Variants in MAN1C1 observed in about 807,000 individuals in gnomAD.
The protein encoded by MAN1C1 is mannosidase alpha class 1C member 1, also known as mannosyl-oligosaccharide 1,2-alpha-mannosidase IC.
In MAN1C1, 49 loss-of-function variants were observed where a neutral mutation model predicts 71.5. The ratio of observed to expected loss-of-function variants is 0.69; its 90% confidence interval spans 0.54 to 0.87. The LOEUF is 0.87. Ranked by LOEUF, MAN1C1 falls within the 40% of genes least tolerant of loss-of-function variation. The pLI, the probability that MAN1C1 is intolerant of heterozygous loss-of-function variation, is 0.00. For missense variants in MAN1C1, 743 were observed against 835.0 expected (o/e 0.89, Z 1.36); for synonymous variants, 352 against 343.7 (o/e 1.02, Z -0.27).
chr1:25,762,671 A>C (rs1416578049), intron 6 of MAN1C1, among the ~76,000 whole-genome samples: 2 of 142,602 alleles, frequency 1.4e-5, no homozygotes, highest in African/African-American at 5.3e-5. Context: ...CAAGTGATCC[A>C]CCTCCCTTGG....
Position 25,730,057 on chromosome 1 carries a change from G to C in MAN1C1, c.638-16611G>C, listed in dbSNP as rs2046888742. Among the ~76,000 whole-genome samples the C allele has an allele frequency of 6.6e-6, 1 of 152,130 alleles. No individual in the cohort carries two copies. Among genetic ancestry groups the C allele is most frequent in the Non-Finnish European group, 1.5e-5 (1 of 68,026 alleles). On this transcript the variant is annotated intron_variant, in intron 2 of 11. Transcript: ENST00000374332. The surrounding 1 kb of genome is among the most constrained non-coding windows in gnomAD (Gnocchi z 4.3). ...GAGAAAGCAGCTGCAGCCTCCGTAA[G>C]GACAGAGGTCAGGCCTGATGCATCC...
intron 6 of MAN1C1, chr1:25,759,428 T>C (rs2047332404): frequency 6.6e-6 from 1 of 152,372 alleles, no homozygotes; most frequent in African/African-American, 2.4e-5. Flanking sequence ...ATGGAAGCCC[T>C]GCCCATCCTC....
At position 25,769,924 on chromosome 1, in the gene MAN1C1, A is replaced by T. The variant is rs1190781570; in HGVS notation, c.1142-1733A>T. The stretch of plus-strand genomic sequence containing the variant: ...CCCCGTGGCCACCCTATGGGGAGGG[A>T]CCGGGAGCAGGCTTGTGAGAATGCC... On this transcript the variant is annotated intron_variant, in intron 7 of 11. Transcript: ENST00000374332. This position sits in a 1 kb window ranked among gnomAD's most constrained non-coding sequence, Gnocchi z 4.8. 6.6e-6 allele frequency among the ~76,000 whole-genome samples: 1 copy of T among 151,804 alleles called. No individual in the cohort carries two copies. The highest frequency in any genetic ancestry group is 1.5e-5 in the Non-Finnish European group (1 of 67,928).
At chr1:25,733,298 C>A (rs970514437) in intron 2 of MAN1C1, among the ~76,000 whole-genome samples, 1 of 152,186 alleles carries the variant, frequency 6.6e-6, no homozygotes, top group African/African-American at 2.4e-5. Context: ...CATCATACAG[C>A]AGCCAGTCAG....
chr1:25,725,075 T>C lies in MAN1C1; in HGVS notation c.638-21593T>C, dbSNP rs2046814727. Among the ~76,000 whole-genome samples the C allele has an allele frequency of 6.6e-6, 1 of 152,240 alleles. No individual in the cohort carries two copies. Among genetic ancestry groups the C allele is most frequent in the Non-Finnish European group, 1.5e-5 (1 of 68,048 alleles). On this transcript the variant is annotated intron_variant, in intron 2 of 11. Coordinates refer to ENST00000374332, the MANE Select transcript of MAN1C1 (RefSeq NM_020379.4). This position sits in a 1 kb window ranked among gnomAD's most constrained non-coding sequence, Gnocchi z 4.8. ...TAAGCATTTCAATTGGGAAATGTAA[T>C]TAGCCAAGGAAAATGAATGTGGGAG...
At chr1:25,716,185 T>C (rs1368323654) in intron 2 of MAN1C1, among the ~76,000 whole-genome samples, 2 of 152,248 alleles carry the variant, frequency 1.3e-5, no homozygotes, top group South Asian at 2.1e-4. Flanking sequence ...ATGTAGTTTT[T>C]ATTCCCATGG....
At position 25,618,128 on chromosome 1, in the gene MAN1C1, C is replaced by G. The variant is rs759063671; in HGVS notation, c.331C>G (p.Arg111Gly). The G allele has an allele frequency of 7.9e-6, 12 of 1,515,444 alleles. No homozygotes were observed. Among genetic ancestry groups the G allele is most frequent in the Non-Finnish European group, 1.1e-5 (12 of 1,139,800 alleles). The allele number at this position is 1,515,444 out of a possible 1,614,324, so 93.9% of individuals were successfully genotyped here. A position where few individuals can be genotyped will look rare whatever the true frequency, so the allele number is the denominator to read the frequency against. The change falls in exon 1 of 12, where the codon CGC becomes GGC. Residue 111 changes from arginine (R) to glycine (G), a missense_variant. By Grantham distance (125) the Arg-to-Gly change is moderately radical. Transcript: ENST00000374332. ...CCGCCGCAGGAAAGGGGGGCTGCGGCGCACCCGCCCCACTGGACCCCGCGA... is the reference window on the plus strand; with the variant it reads ...CCGCCGCAGGAAAGGGGGGCTGCGGGGCACCCGCCCCACTGGACCCCGCGA... ...SPRRRKGGLR[R>G]TRPTGPREEA...
intron 2 of MAN1C1, among the ~76,000 whole-genome samples, chr1:25,688,213 A>G (rs538280467): frequency 1.3e-5 from 2 of 152,320 alleles, no homozygotes; most frequent in African/African-American, 2.4e-5. Context: ...TGTTTCTTTT[A>G]CTTCAAATAT....
chr1:25,628,542 A>G (rs754331102), intron 1 of MAN1C1, among the ~76,000 whole-genome samples: 3 of 152,172 alleles, frequency 2.0e-5, no homozygotes, highest in Non-Finnish European at 4.4e-5. Context: ...TCCTGACCTC[A>G]GGTGATCCAT....
At chr1:25,641,703 C>T (rs2045539637) in intron 1 of MAN1C1, among the ~76,000 whole-genome samples, 1 of 152,158 alleles carries the variant, frequency 6.6e-6, no homozygotes, top group Non-Finnish European at 1.5e-5. Context: ...CGACTTATCT[C>T]TTTTCTGGCT....
Position 25,776,785 on chromosome 1 carries a change from G to C in MAN1C1, c.1258-1320G>C, listed in dbSNP as rs1245431867. The stretch of plus-strand genomic sequence containing the variant: ...GTAGGTGAGGTAGGGTGTGAGGAGG[G>C]AGGGGCAGGAGACAGACTAGAGTGG... On this transcript the variant is annotated intron_variant, in intron 8 of 11. Transcript: ENST00000374332. This position sits in a 1 kb window ranked among gnomAD's most constrained non-coding sequence, Gnocchi z 4.3. Among the ~76,000 whole-genome samples, 1 of 152,072 alleles carries C rather than the reference G, an allele frequency of 6.6e-6. No individual in the cohort carries two copies. Among genetic ancestry groups the C allele is most frequent in the African/African-American group, 2.4e-5 (1 of 41,386 alleles).
rs1476098974 is a variant in MAN1C1, at chr1:25,711,539, C to G, written c.637+25003C>G. On this transcript the variant is annotated intron_variant, in intron 2 of 11. Coordinates refer to ENST00000374332, the MANE Select transcript of MAN1C1 (RefSeq NM_020379.4). This position sits in a 1 kb window ranked among gnomAD's most constrained non-coding sequence, Gnocchi z 4.3. ...ACCTGGTCCCTGTTGGTGCTGAGCT[C>G]AGCTCCGTTTGATCAAAAGGACAGA... Among the ~76,000 whole-genome samples the G allele has an allele frequency of 6.6e-6, 1 of 152,180 alleles. No homozygotes were observed. Among genetic ancestry groups the G allele is most frequent in the Non-Finnish European group, 1.5e-5 (1 of 68,026 alleles).
At chr1:25,727,389 C>T (rs903123710) in intron 2 of MAN1C1, among the ~76,000 whole-genome samples, 2 of 152,278 alleles carry the variant, frequency 1.3e-5, no homozygotes, top group Non-Finnish European at 1.5e-5. Context: ...CAGTGAGAGG[C>T]GGTGAGCGAC....
At chr1:25,626,207 A>G (rs1469749955) in intron 1 of MAN1C1, among the ~76,000 whole-genome samples, 1 of 152,202 alleles carries the variant, frequency 6.6e-6, no homozygotes, top group Non-Finnish European at 1.5e-5. Flanking sequence ...CTCCACCAGC[A>G]ATATGTGAGA....
chr1:25,736,963 G>A (rs1018230085), intron 2 of MAN1C1, among the ~76,000 whole-genome samples: 29 of 152,176 alleles, frequency 1.9e-4, no homozygotes, highest in African/African-American at 6.5e-4. Flanking sequence ...TCCAGGCCTC[G>A]CAGGAAACAT....
chr1:25,618,206 G>A lies in MAN1C1; in HGVS notation c.409G>A (p.Glu137Lys), dbSNP rs1425821232. 27 of 1,590,248 alleles carry A rather than the reference G, an allele frequency of 1.7e-5. No individual in the cohort carries two copies. Among genetic ancestry groups the A allele is most frequent in the Admixed American group, 5.3e-5 (3 of 56,590 alleles). The change falls in exon 1 of 12, where the codon GAG (glutamate) becomes AAG (lysine). Residue 137 changes from glutamate (E) to lysine (K), a missense_variant. By Grantham distance (56) the Glu-to-Lys change is moderately conservative (BLOSUM62 1). Coordinates refer to ENST00000374332, the MANE Select transcript of MAN1C1 (RefSeq NM_020379.4). ...CATCCCGGCCTCCAGGCCCGGGGAC[G>A]AGGGCGTCCCTTTCCGCTTTGACTT... ...NSIPASRPGD[E>K]GVPFRFDFNA...
At chr1:25,742,087 T>G (rs1382183074) in intron 2 of MAN1C1, among the ~76,000 whole-genome samples, 7 of 152,192 alleles carry the variant, frequency 4.6e-5, no homozygotes, top group African/African-American at 7.2e-5. Flanking sequence ...AAGAAGAGGT[T>G]AGCTAGTGGA....
intron 1 of MAN1C1, among the ~76,000 whole-genome samples, chr1:25,627,267 T>TTG (rs1454598388): frequency 9.7e-4 from 146 of 150,380 alleles, no homozygotes; most frequent in African/African-American, 3.4e-3. Context: ...TTCTCTTCTC[T>TTG]TCTCTTCTCT....
chr1:25,658,341 T>C (rs978875537), intron 1 of MAN1C1, among the ~76,000 whole-genome samples: 3 of 152,154 alleles, frequency 2.0e-5, no homozygotes, highest in African/African-American at 7.2e-5. Context: ...TCCCAAACCA[T>C]AGACCCTAAG....
Sources: gnomAD v4.1 joint callset for allele counts (sites outside exome capture counted in the v4.1 genomes callset) on GRCh38, gnomAD v4.1.1 for gene constraint, Gnocchi (gnomAD v3.1) non-coding constraint, MANE v1.5 for transcripts, NCBI Gene and HGNC (gene_info 2026-07-23, HGNC 2026-07-21) for gene names.